The following CHD6 variants were observed in gnomAD, a reference collection of about 807,000 sequenced individuals.
CHD6 encodes the protein ATP-dependent chromatin remodeler CHD6.
A neutral mutation model predicts 276.9 loss-of-function variants in CHD6; 50 were observed. The ratio of observed to expected loss-of-function variants is 0.18; its 90% CI spans 0.14 to 0.23. The LOEUF (loss-of-function observed/expected upper bound fraction) is 0.23. CHD6 is among the 10% of genes least tolerant of loss of function. The pLI is 1.00. For synonymous variants in CHD6, 1,173 were observed against 1,229.3 expected, an observed-to-expected ratio of 0.95 and a Z score of 0.96; for missense variants, 2,564 against 3,365.8, an observed-to-expected ratio of 0.76 and a Z score of 5.89.
chr20:41,532,134 C>A (rs868024786), intron 3 of CHD6, among the ~76,000 whole-genome samples: 10 of 152,092 alleles, frequency 6.6e-5, no homozygotes, highest in African/African-American at 2.4e-4. Context: ...ATACGGAATT[C>A]CCTGCACAAG....
intron 1 of CHD6, among the ~76,000 whole-genome samples, chr20:41,556,622 T>C (rs1446600066): frequency 6.6e-6 from 1 of 152,160 alleles, no homozygotes; most frequent in African/African-American, 2.4e-5. Context: ...GCGATGTTAC[T>C]GTAGAGTAAC....
intron 16 of CHD6, among the ~76,000 whole-genome samples, chr20:41,475,922 G>C (rs1045595179): frequency 3.3e-5 from 5 of 152,116 alleles, no homozygotes; most frequent in African/African-American, 1.2e-4. Flanking sequence ...AACACTTTTA[G>C]AACTTTTAGA....
At chr20:41,485,160 C>T (rs978666348) in intron 14 of CHD6, among the ~76,000 whole-genome samples, 2 of 152,156 alleles carry the variant, frequency 1.3e-5, no homozygotes, top group African/African-American at 4.8e-5. Flanking sequence ...TGGAATCTGT[C>T]ACATCAGGGG....
At chr20:41,560,736 T>C (rs76578244) in intron 1 of CHD6, among the ~76,000 whole-genome samples, 220 of 152,150 alleles carry the variant, frequency 1.4e-3, no homozygotes, top group African/African-American at 4.0e-3. Flanking sequence ...CTTTTTTTTT[T>C]CCTCCTAATC....
At chr20:41,529,362 T>C (rs2044623364) in intron 3 of CHD6, among the ~76,000 whole-genome samples, 1 of 152,176 alleles carries the variant, frequency 6.6e-6, no homozygotes, top group Non-Finnish European at 1.5e-5. Flanking sequence ...AAAAGTAGCC[T>C]GTTTTAGAGG....
intron 15 of CHD6, among the ~76,000 whole-genome samples, chr20:41,484,011 A>C (rs1196787769): frequency 6.6e-6 from 1 of 152,206 alleles, no homozygotes; most frequent in Admixed American, 6.5e-5. Context: ...ACTAAGTAAC[A>C]CATTTCCCTG....
At chr20:41,584,955 AAATT>A (rs2045578192) in intron 1 of CHD6, among the ~76,000 whole-genome samples, 1 of 152,190 alleles carries the variant, frequency 6.6e-6, no homozygotes, top group South Asian at 2.1e-4. Context: ...AAAATCAATG[AAATT>A]AAGAACAGAA....
intron 1 of CHD6, among the ~76,000 whole-genome samples, chr20:41,602,320 A>G (rs571406476): frequency 6.6e-6 from 1 of 152,164 alleles, no homozygotes; most frequent in Non-Finnish European, 1.5e-5. Context: ...CAAAGAGAAG[A>G]GGGGATGCTG....
chr20:41,604,391 C>T (rs6016584), intron 1 of CHD6, among the ~76,000 whole-genome samples: 1 of 152,054 alleles, frequency 6.6e-6, no homozygotes, highest in Non-Finnish European at 1.5e-5. Flanking sequence ...TAGAGGAGTC[C>T]TTAATAGTTT....
chr20:41,612,815 C>T (rs183047504), intron 1 of CHD6, among the ~76,000 whole-genome samples: 2 of 152,224 alleles, frequency 1.3e-5, no homozygotes, highest in African/African-American at 4.8e-5. Flanking sequence ...CGCAATCTGC[C>T]TAAAGCTTAG....
intron 1 of CHD6, among the ~76,000 whole-genome samples, chr20:41,602,783 G>A (rs1009030589): frequency 6.6e-6 from 1 of 152,086 alleles, no homozygotes; most frequent in South Asian, 2.1e-4. Context: ...ATGATCATGG[G>A]CAATCCTCCT....
At chr20:41,527,957 G>A (rs2044584939) in intron 3 of CHD6, among the ~76,000 whole-genome samples, 1 of 152,152 alleles carries the variant, frequency 6.6e-6, no homozygotes, top group Admixed American at 6.5e-5. Flanking sequence ...GCCACAGGAT[G>A]AGGAGCTGCA....
At position 41,484,549 on chromosome 20, in the gene CHD6, A is replaced by G; in HGVS notation, c.2060T>C (p.Val687Ala). The part of the protein sequence containing the change: ...PMMLRRLKDD[V>A]EKNLAPKQET... ...TTGTTTGGGAGCAAGGTTCTTTTCC[A>G]CATCATCTTTCAGCCGCCGAAGCAT... Residue 687 changes from valine (V) to alanine (A), a missense_variant, in exon 15 of 37, where the codon GTG becomes GCG. By Grantham distance (64) the Val-to-Ala change is moderately conservative (BLOSUM62 0). Coordinates refer to ENST00000373233, the MANE Select transcript of CHD6 (RefSeq NM_032221.5). 6.2e-7 allele frequency: 1 copy of G among 1,613,836 alleles called. No individual in the cohort carries two copies. Among genetic ancestry groups the G allele is most frequent in the Non-Finnish European group, 8.5e-7 (1 of 1,179,828 alleles).
At position 41,437,194 on chromosome 20, in the gene CHD6, C is replaced by T. The variant is rs180848825; in HGVS notation, c.4068+80G>A. 2.2e-4 allele frequency: 236 copies of T among 1,087,546 alleles called. No individual in the cohort carries two copies. The African/African-American group carries it at 3.3e-3, about 15-fold the overall frequency. The allele number at this position is 1,087,546 out of a possible 1,614,324, so 67.4% of individuals were successfully genotyped here. A position where few individuals can be genotyped will look rare whatever the true frequency, so the allele number is the denominator to read the frequency against. The stretch of plus-strand genomic sequence containing the variant: ...AACTGTAGTAATGCAATCAAGTTCC[C>T]CCAGATCACTACCAAGATAGGGATT... On this transcript the variant is annotated intron_variant, in intron 27 of 36. Transcript: ENST00000373233.
chr20:41,440,730 C>T (rs2047875546), intron 25 of CHD6, among the ~76,000 whole-genome samples: 1 of 152,112 alleles, frequency 6.6e-6, no homozygotes, highest in African/African-American at 2.4e-5. Flanking sequence ...AAAAAGGAAG[C>T]AAAACAATTT....
intron 1 of CHD6, among the ~76,000 whole-genome samples, chr20:41,562,882 G>C (rs528391293): frequency 6.6e-6 from 1 of 152,244 alleles, no homozygotes. Flanking sequence ...GTAAAGCTTG[G>C]ACTAAAAATC....
intron 1 of CHD6, among the ~76,000 whole-genome samples, chr20:41,614,465 T>C (rs2146313461): frequency 6.6e-6 from 1 of 152,320 alleles, no homozygotes. Flanking sequence ...AAATAGGAGC[T>C]ATTTAAGTTA....
chr20:41,605,457 G>T lies in CHD6; in HGVS notation c.-24+12883C>A, dbSNP rs140446488. On this transcript the variant is annotated intron_variant, in intron 1 of 36. Coordinates refer to ENST00000373233, the MANE Select transcript of CHD6 (RefSeq NM_032221.5). ...TTGCCAAAGAGAAACTGAATTTCAA[G>T]TGCACAAACCAAGTCAGCCTCTATC... 3.9e-3 allele frequency among the ~76,000 whole-genome samples: 591 copies of T among 152,212 alleles called. 4 individuals are homozygous for T. The highest frequency in any genetic ancestry group is 5.8e-3 in the Non-Finnish European group (396 of 68,012).
At chr20:41,491,033 G>GGTGA (rs199582160) in intron 11 of CHD6, among the ~76,000 whole-genome samples, 192 of 151,984 alleles carry the variant, frequency 1.3e-3, no homozygotes, top group African/African-American at 4.4e-3. Flanking sequence ...AGTTGCTCTG[G>GGTGA]GTGAGTGAGT....
Sources: allele counts gnomAD v4.1 joint callset (sites outside exome capture counted in the v4.1 genomes callset), GRCh38; gene constraint gnomAD v4.1.1; transcripts MANE v1.5; gene names NCBI Gene and HGNC (gene_info 2026-07-23, HGNC 2026-07-21).